The following HDAC6 variants were observed in gnomAD, a reference collection of about 807,000 sequenced individuals.
HDAC6 encodes the protein protein deacetylase HDAC6.
Under a neutral mutation model 88.9 loss-of-function variants are expected in HDAC6, and 5 were observed. That is an observed-to-expected ratio of 0.06 (90% confidence interval 0.03 to 0.12). The LOEUF is 0.12. Ranked by LOEUF, HDAC6 falls within the 10% of genes least tolerant of loss-of-function variation. HDAC6 has a pLI of 1.00. For missense variants in HDAC6, 706 were observed against 1,014.4 expected (o/e 0.70, Z 4.13); for synonymous variants, 378 against 398.0 (o/e 0.95, Z 0.60).
intron 10 of HDAC6, among the ~76,000 whole-genome samples, chrX:48,811,854 T>C (rs781847976): frequency 9.8e-5 from 11 of 112,202 alleles, no homozygotes; most frequent in Non-Finnish European, 1.1e-4. Context: ...GCTTCTGGAA[T>C]TTAATGCTTC....
At chrX:48,801,627 A>T, upstream of HDAC6, 1 of 233,806 alleles carries the variant, frequency 4.3e-6, no homozygotes, top group Non-Finnish European at 7.8e-6. Context: ...CCTTTTACGT[A>T]GGCGCAGCAC....
chrX:48,803,118 T>G lies in HDAC6; in HGVS notation c.223-10T>G. On this transcript the variant is annotated splice_polypyrimidine_tract_variant and intron_variant, in intron 3 of 28. Transcript: ENST00000334136. The stretch of plus-strand genomic sequence containing the variant: ...ATGGATCTGTGTCTCCTTTTTTTTT[T>G]CCTCTGCAGGATCTGAACCTTGAGG... 8.3e-7 allele frequency: 1 copy of G among 1,206,102 alleles called. No individual in the cohort carries two copies. Among genetic ancestry groups the G allele is most frequent in the South Asian group, 1.8e-5 (1 of 56,393 alleles).
chrX:48,805,190 C>T (rs1299759705), intron 4 of HDAC6, among the ~76,000 whole-genome samples: 1 of 111,342 alleles, frequency 9.0e-6, no homozygotes, highest in African/African-American at 3.3e-5. Flanking sequence ...ACAGAAAGGA[C>T]CGTTGAGGTG....
In HDAC6 at chrX:48,813,579, G is replaced by A. The variant is rs1408693410; in HGVS notation, c.807-861G>A. On this transcript the variant is annotated intron_variant, in intron 10 of 28. Transcript: ENST00000334136. ...CAGATAGAAGGATGGATGGATGATA[G>A]ATTATTCATTTTGCTTTCCCCAGTC... The A allele has an allele frequency of 2.7e-5, 3 of 112,213 alleles. No homozygotes were observed. In the Admixed American group the frequency reaches 2.8e-4, roughly 11 times the overall value. 9.2% of individuals were successfully genotyped at this position (112,213 alleles called of 1,213,427 possible). A position where few individuals can be genotyped will look rare whatever the true frequency, so the allele number is the denominator to read the frequency against.
chrX:48,819,118 A>C lies in HDAC6; in HGVS notation c.2187+706A>C, dbSNP rs1484511791. Among the ~76,000 whole-genome samples, 2 of 112,263 alleles carry C rather than the reference A, an allele frequency of 1.8e-5. 1 individual carries two copies. The highest frequency in any genetic ancestry group is 5.6e-4 in the East Asian group (2 of 3,586). On this transcript the variant is annotated intron_variant, in intron 22 of 28. Coordinates refer to ENST00000334136, the MANE Select transcript of HDAC6 (RefSeq NM_006044.4). ...CCAGGACAGCCTTCTGTGTGTGTAC[A>C]ACTGTATGTGCAAATAACCAGCTCT...
chrX:48,815,051 G>A lies in HDAC6; in HGVS notation c.1149G>A (p.Glu383=). ...GAGGCAAGCTGATCCTGTCTCTGGA[G>A]GTGAGTGACTCACCTTCGTCCCTCA... ...LAGGKLILSL[E]GGYNLRALAE... is the part of the protein sequence containing the mutation. Residue 383 remains glutamate (E), a splice_region_variant and synonymous_variant, in exon 14 of 29, where the codon GAG becomes GAA. Transcript: ENST00000334136. 8.4e-7 allele frequency: 1 copy of A among 1,185,574 alleles called. No homozygotes were observed. Among genetic ancestry groups the A allele is most frequent in the Non-Finnish European group, 1.1e-6 (1 of 878,434 alleles).
At chrX:48,817,818 G>T in intron 20 of HDAC6, 3 of 439,039 alleles carry the variant, frequency 6.8e-6, no homozygotes, top group South Asian at 7.1e-5. Context: ...CCAGGGTCCA[G>T]TTCCCTAGCA....
chrX:48,824,338 C>G (rs372814071), intron 28 of HDAC6, 44 bp downstream of exon 28: 9 of 1,172,900 alleles, frequency 7.7e-6, no homozygotes, highest in Non-Finnish European at 1.0e-5. Flanking sequence ...ACTCACCCCC[C>G]ACACACACAC....
At position 48,823,092 on chromosome X, in the gene HDAC6, C is replaced by CAGAGACAGCTGTGGTGGCCCTCACTCA; in HGVS notation, c.2694_2720dup (p.Glu899_Gln907dup). 8.3e-7 allele frequency: 1 copy of CAGAGACAGCTGTGGTGGCCCTCACTCA among 1,211,267 alleles called. No homozygotes were observed. Among genetic ancestry groups the CAGAGACAGCTGTGGTGGCCCTCACTCA allele is most frequent in the Non-Finnish European group, 1.1e-6 (1 of 895,180 alleles). On this transcript the variant is annotated inframe_insertion, in exon 25 of 29. Transcript: ENST00000334136. ...GAGTCCACTCCAGGCCAGACTAACT[C>CAGAGACAGCTGTGGTGGCCCTCACTCA]AGAGACAGCTGTGGTGGCCCTCACT...
chrX:48,805,428 A>G lies in HDAC6; in HGVS notation c.312-10A>G, dbSNP rs782156796. The G allele has an allele frequency of 5.0e-6, 6 of 1,197,013 alleles. No homozygotes were observed. Among genetic ancestry groups the G allele is most frequent in the African/African-American group, 1.7e-5 (1 of 57,262 alleles). On this transcript the variant is annotated splice_polypyrimidine_tract_variant and intron_variant, in intron 4 of 28. Coordinates refer to ENST00000334136, the MANE Select transcript of HDAC6 (RefSeq NM_006044.4). ...CTCATGCATCTGTGACTGTGACTCC[A>G]TCTCCCCAGCTTCCCGGAAGGCCCT...
At chrX:48,819,038 T>C (rs2063036877) in intron 22 of HDAC6, among the ~76,000 whole-genome samples, 1 of 112,236 alleles carries the variant, frequency 8.9e-6, no homozygotes, top group African/African-American at 3.2e-5. Context: ...TCTGTCACCC[T>C]GGGCGCCGGT....
Position 48,808,011 on chromosome X carries a change from GT to G in HDAC6, c.633-20del, listed in dbSNP as rs1557024883. 4.5e-6 allele frequency: 5 copies of G among 1,113,409 alleles called. No individual in the cohort carries two copies. The South Asian group carries it at 9.6e-5, about 21-fold the overall frequency. The allele number at this position is 1,113,409 out of a possible 1,213,427, so 91.8% of individuals were successfully genotyped here. A position where few individuals can be genotyped will look rare whatever the true frequency, so the allele number is the denominator to read the frequency against. On this transcript the variant is annotated intron_variant, in intron 8 of 28. Coordinates refer to ENST00000334136, the MANE Select transcript of HDAC6 (RefSeq NM_006044.4). ...GAGGACCCCTCACATACTCCAAGCTGTTATTTCCTTGTCTTGCCCAGGCCTC... is the reference window on the plus strand; with the variant it reads ...GAGGACCCCTCACATACTCCAAGCTGTATTTCCTTGTCTTGCCCAGGCCTC...
At chrX:48,801,987 G>T (rs2062732708), upstream of HDAC6, 10 of 963,135 alleles carry the variant, frequency 1.0e-5, no homozygotes, top group Middle Eastern at 1.2e-3. Context: ...AGGGGGCGGA[G>T]GCCGACCGAA....
rs782364905 is a variant in HDAC6, at chrX:48,815,920, A to G, written c.1361A>G (p.Asn454Ser). ...TVERDNMEED[N>S]VEESEEEGPW... ...GAGAGGGACAACATGGAGGAGGACA[A>G]TGTAGAGGAGAGCGAGGAGGAAGGA... Residue 454 changes from asparagine to serine, a missense_variant, in exon 17 of 29, where the codon AAT becomes AGT. By Grantham distance (46) the Asn-to-Ser change is conservative. Coordinates refer to ENST00000334136, the MANE Select transcript of HDAC6 (RefSeq NM_006044.4). 3.3e-6 allele frequency: 4 copies of G among 1,209,197 alleles called. No homozygotes were observed. Among genetic ancestry groups the G allele is most frequent in the Non-Finnish European group, 3.4e-6 (3 of 894,793 alleles).
At chrX:48,806,768 T>G in intron 8 of HDAC6, 62 bp downstream of exon 8, 1 of 629,190 alleles carries the variant, frequency 1.6e-6, no homozygotes, top group South Asian at 2.8e-5. Context: ...AAGTGTAAAA[T>G]GTATTGATAT....
At chrX:48,811,821 G>A (rs2062907041) in intron 10 of HDAC6, among the ~76,000 whole-genome samples, 1 of 111,440 alleles carries the variant, frequency 9.0e-6, no homozygotes, top group Non-Finnish European at 1.9e-5. Flanking sequence ...TTCCTCCGAC[G>A]TTCTTTATTT....
At chrX:48,811,236 G>C (rs1185946496) in intron 10 of HDAC6, among the ~76,000 whole-genome samples, 1 of 111,923 alleles carries the variant, frequency 8.9e-6, no homozygotes, top group Non-Finnish European at 1.9e-5. Flanking sequence ...CCCAGGAGGC[G>C]GAGGTTGCAG....
In HDAC6 at chrX:48,821,136, C is replaced by T. The variant is rs374293695; in HGVS notation, c.2337+881C>T. Among the ~76,000 whole-genome samples, 144 of 111,445 alleles carry T rather than the reference C, an allele frequency of 1.3e-3. 2 individuals carry two copies. In the South Asian group the frequency reaches 0.046, roughly 35 times the overall value. ...TACAGGCATGAGCCACCGCACCTGGCCCCTGGTTACTGTTATGCGTTGTTC... is the reference window on the plus strand; with the variant it reads ...TACAGGCATGAGCCACCGCACCTGGTCCCTGGTTACTGTTATGCGTTGTTC... On this transcript the variant is annotated intron_variant, in intron 23 of 28. Transcript: ENST00000334136.
rs782339525 is a variant in HDAC6 at position 48,823,954 on chromosome X, G to T, written c.3336G>T (p.Trp1112Cys). Residue 1112 changes from tryptophan (W) to cysteine (C), a missense_variant, in exon 27 of 29, where the codon TGG (tryptophan) becomes TGT (cysteine). By Grantham distance (215) the Trp-to-Cys change is radical. Transcript: ENST00000334136. Reference protein sequence around the residue: ...AIFYAVTPLPWCPHLVAVCPI... With the variant: ...AIFYAVTPLPCCPHLVAVCPI... ...TTTATGCTGTGACACCACTGCCCTG[G>T]TGTCCCCATTTGGTGGCAGTATGCC... 4.1e-6 allele frequency: 5 copies of T among 1,209,800 alleles called. No homozygotes were observed. The highest frequency in any genetic ancestry group is 5.6e-6 in the Non-Finnish European group (5 of 894,954).
Sources: allele counts gnomAD v4.1 joint callset (sites outside exome capture counted in the v4.1 genomes callset), GRCh38; gene constraint gnomAD v4.1.1; transcripts MANE v1.5; gene names NCBI Gene and HGNC (gene_info 2026-07-23, HGNC 2026-07-21).